RERG: variants seen among roughly 807,000 people sequenced by gnomAD.
The protein encoded by RERG is ras-related and estrogen-regulated growth inhibitor.
In RERG, 25 loss-of-function variants were observed where a neutral mutation model predicts 23.2. The observed-to-expected ratio is 1.08, with a 90% CI of 0.79 to 1.50. The LOEUF is 1.50. Ranked by LOEUF, RERG falls within the 40% of genes most tolerant of loss-of-function variation. The pLI is 0.00. For missense variants in RERG, 253 were observed against 250.1 expected, an observed-to-expected ratio of 1.01 and a Z score of -0.08; for synonymous variants, 81 against 89.1, an observed-to-expected ratio of 0.91 and a Z score of 0.51.
In RERG at chr12:15,109,216, C is replaced by G; in HGVS notation, c.494G>C (p.Arg165Pro). Reference protein sequence around the residue: ...NITEIFYELCREVRRRRMVQG... With the variant: ...NITEIFYELCPEVRRRRMVQG... ...CACCATCCTCCGGCGACGCACCTCT[C>G]GACACAATTCATAGAATATCTCTGT... The change falls in exon 5 of 5, where the codon CGA becomes CCA. Residue 165 changes from arginine (R) to proline (P), a missense_variant. Transcript: ENST00000256953. The G allele has an allele frequency of 6.2e-7, 1 of 1,614,018 alleles. No homozygotes were observed. The highest frequency in any genetic ancestry group is 1.7e-5 in the Admixed American group (1 of 60,018).
At chr12:15,111,443 AC>A in intron 3 of RERG, 26 bp from the exon 4 acceptor site, 1 of 1,552,912 alleles carries the variant, frequency 6.4e-7, no homozygotes, top group African/African-American at 1.4e-5. Flanking sequence ...AATAAAAAAG[AC>A]AAAAAGATAA....
intron 1 of RERG, among the ~76,000 whole-genome samples, chr12:15,219,890 T>C (rs1865491283): frequency 6.6e-6 from 1 of 152,176 alleles, no homozygotes; most frequent in Non-Finnish European, 1.5e-5. Context: ...CCCAGAGGCA[T>C]AGGAATTTCA....
chr12:15,156,431 G>A (rs1287309099), intron 2 of RERG, among the ~76,000 whole-genome samples: 2 of 152,166 alleles, frequency 1.3e-5, no homozygotes, highest in East Asian at 3.9e-4. Context: ...TAATACGGAA[G>A]TTTACCACAA....
rs529137116 is a variant in RERG, at chr12:15,219,142, A to G, written c.-114-1539T>C. Among the ~76,000 whole-genome samples, 58 of 152,222 alleles carry G rather than the reference A, an allele frequency of 3.8e-4. No homozygotes were observed. The South Asian group carries it at 0.012, about 31-fold the overall frequency. On this transcript the variant is annotated intron_variant, in intron 1 of 4. Transcript: ENST00000256953. ...CACACCAGTCTGCATAATTCATTCCATTTTCAAGGCAGTAAAGATGTTTTA... is the reference window on the plus strand; with the variant it reads ...CACACCAGTCTGCATAATTCATTCCGTTTTCAAGGCAGTAAAGATGTTTTA...
intron 2 of RERG, among the ~76,000 whole-genome samples, chr12:15,176,140 GC>G (rs951098679): frequency 2.0e-5 from 3 of 152,086 alleles, no homozygotes; most frequent in African/African-American, 7.2e-5. Context: ...TCCTCATACT[GC>G]CATTCCAGAA....
chr12:15,218,030 A>G (rs1865466192), intron 1 of RERG: 1 of 152,752 alleles, frequency 6.5e-6, no homozygotes, highest in Admixed American at 6.5e-5. Context: ...AATAACATAC[A>G]TTCATATTAG....
intron 2 of RERG, among the ~76,000 whole-genome samples, chr12:15,208,948 TAAA>T (rs60665602): frequency 1.1e-4 from 17 of 148,086 alleles, no homozygotes; most frequent in Non-Finnish European, 2.1e-4. Flanking sequence ...TACTGATACT[TAAA>T]AAAAAAAAAA....
At chr12:15,122,807 G>T (rs7973917) in intron 2 of RERG, among the ~76,000 whole-genome samples, 99,949 of 147,992 alleles carry the variant, frequency 0.68, 33,705 homozygotes, top group Admixed American at 0.75. Context: ...TTTGTTTTTT[G>T]TTTTCGTTTT....
intron 2 of RERG, among the ~76,000 whole-genome samples, chr12:15,173,973 T>C (rs1163781630): frequency 1.3e-5 from 2 of 152,068 alleles, no homozygotes; most frequent in Non-Finnish European, 2.9e-5. Flanking sequence ...TTCTGCCTTT[T>C]ATATTTACTT....
intron 2 of RERG, among the ~76,000 whole-genome samples, chr12:15,198,877 A>G (rs986726161): frequency 6.6e-6 from 1 of 152,158 alleles, no homozygotes; most frequent in African/African-American, 2.4e-5. Flanking sequence ...CCTTTAGCGA[A>G]TCATGTGACT....
chr12:15,175,873 T>G (rs993544426), intron 2 of RERG, among the ~76,000 whole-genome samples: 8 of 152,194 alleles, frequency 5.3e-5, no homozygotes, highest in Admixed American at 6.6e-5. Flanking sequence ...CTGCTGTTTT[T>G]CATAGCTACT....
At chr12:15,113,050 T>C (rs1038019603) in intron 3 of RERG, among the ~76,000 whole-genome samples, 2 of 152,210 alleles carry the variant, frequency 1.3e-5, no homozygotes, top group Admixed American at 1.3e-4. Flanking sequence ...TGAAACTGAA[T>C]TCAAGACGTC....
chr12:15,168,285 G>A (rs775979242), intron 2 of RERG, among the ~76,000 whole-genome samples: 3 of 152,166 alleles, frequency 2.0e-5, no homozygotes, highest in African/African-American at 7.2e-5. Context: ...GTTGCGGTCT[G>A]CCTTATTAGC....
chr12:15,200,761 T>C (rs958333333), intron 2 of RERG, among the ~76,000 whole-genome samples: 1 of 152,000 alleles, frequency 6.6e-6, no homozygotes, highest in African/African-American at 2.4e-5. Context: ...AACTTGACTA[T>C]ATATTTTCCT....
chr12:15,125,827 C>G (rs963369240), intron 2 of RERG, among the ~76,000 whole-genome samples: 18 of 151,706 alleles, frequency 1.2e-4, no homozygotes, highest in African/African-American at 4.1e-4. Flanking sequence ...AGTGTATGCT[C>G]TATTCAGTTA....
At chr12:15,174,385 A>G (rs1018398402) in intron 2 of RERG, among the ~76,000 whole-genome samples, 1 of 151,818 alleles carries the variant, frequency 6.6e-6, no homozygotes, top group African/African-American at 2.4e-5. Context: ...TGCTTTTAAG[A>G]TTCTCTCTCT....
intron 2 of RERG, 144 bp from the exon 3 acceptor site, chr12:15,121,263 T>G: frequency 1.6e-6 from 1 of 630,696 alleles, no homozygotes; most frequent in South Asian, 2.3e-5. Flanking sequence ...AATTTTTTTA[T>G]GTTTATTCAA....
chr12:15,113,014 C>CA (rs1338284700), intron 3 of RERG, among the ~76,000 whole-genome samples: 6 of 152,330 alleles, frequency 3.9e-5, no homozygotes, highest in African/African-American at 1.4e-4. Context: ...AGATATGACT[C>CA]AGACTGATGT....
chr12:15,203,621 G>A (rs955356683), intron 2 of RERG, among the ~76,000 whole-genome samples: 2 of 151,508 alleles, frequency 1.3e-5, no homozygotes, highest in Non-Finnish European at 3.0e-5. Flanking sequence ...GTAGAAAGAA[G>A]TAAAATTACC....
Sources: gnomAD v4.1 joint callset for allele counts (sites outside exome capture counted in the v4.1 genomes callset) on GRCh38, gnomAD v4.1.1 for gene constraint, MANE v1.5 for transcripts, NCBI Gene and HGNC (gene_info 2026-07-23, HGNC 2026-07-21) for gene names.